Variants in SRGAP3 observed in about 807,000 individuals in gnomAD.
The protein encoded by SRGAP3 is SLIT-ROBO Rho GTPase-activating protein 3.
Under a neutral mutation model 121.1 loss-of-function variants are expected in SRGAP3, and 39 were observed. The observed-to-expected ratio is 0.32, with a 90% CI of 0.25 to 0.42. The LOEUF (loss-of-function observed/expected upper bound fraction) is 0.42. Ranked by LOEUF, SRGAP3 falls within the 10% of genes least tolerant of loss-of-function variation. The probability of loss-of-function intolerance (pLI) is 1.00; values close to 1 mark genes in which losing one functional copy is unlikely to be tolerated. For synonymous variants in SRGAP3, 601 were observed against 570.0 expected, an observed-to-expected ratio of 1.05 and a Z score of -0.77; for missense variants, 1,213 against 1,470.6, an observed-to-expected ratio of 0.82 and a Z score of 2.86.
chr3:9,040,291 T>G (rs1944955798), intron 10 of SRGAP3, among the ~76,000 whole-genome samples: 1 of 152,102 alleles, frequency 6.6e-6, no homozygotes, highest in Non-Finnish European at 1.5e-5. Flanking sequence ...GACCTCTTAC[T>G]CTGTTTTATA....
At chr3:9,273,906 G>C (rs978126004) in intron 3 of SRGAP3, among the ~76,000 whole-genome samples, 1 of 151,706 alleles carries the variant, frequency 6.6e-6, no homozygotes, top group Non-Finnish European at 1.5e-5. Context: ...GACCATATAC[G>C]TGTGTGCTTA....
rs747136588 is a variant in SRGAP3, at chr3:9,038,090, C to T, written c.1409G>A (p.Gly470Glu). The T allele has an allele frequency of 6.2e-7, 1 of 1,614,182 alleles. No individual in the cohort carries two copies. Among genetic ancestry groups the T allele is most frequent in the South Asian group, 1.1e-5 (1 of 91,080 alleles). ...GGTGGTGCCGCATTCTGCTCTTTCC[C>T]CTGCAAAGAAAAGTATACATGAATG... is the stretch of plus-strand genomic sequence containing the variant. ...HDLLKQTLGE[G>E]ERAECGTTRP... is the part of the protein sequence containing the mutation. The change falls in exon 11 of 22, where the codon GGG becomes GAG. Residue 470 changes from glycine (G) to glutamate (E), a missense_variant and splice_region_variant. Physicochemically the swap from Gly to Glu is moderately conservative, Grantham distance 98. Coordinates refer to ENST00000383836, the MANE Select transcript of SRGAP3 (RefSeq NM_014850.4).
At chr3:9,170,468 C>T (rs1337440239) in intron 1 of SRGAP3, among the ~76,000 whole-genome samples, 2 of 152,130 alleles carry the variant, frequency 1.3e-5, no homozygotes, top group Admixed American at 6.5e-5. Context: ...AAGAATGTGA[C>T]TCACACTCTC....
chr3:9,266,741 C>T lies in SRGAP3; in HGVS notation n.442+59269G>A, dbSNP rs193259354. On this transcript the variant is annotated intron_variant and non_coding_transcript_variant, in intron 3 of 3. Coordinates refer to the SRGAP3 transcript ENST00000490889. Reference sequence around the variant, plus strand: ...CCAGGGCAGCAGAGTCAATTACTCCCTCCACTGCACTCCATTTGGAGGCAA... The same window carrying T: ...CCAGGGCAGCAGAGTCAATTACTCCTTCCACTGCACTCCATTTGGAGGCAA... 1.3e-4 allele frequency among the ~76,000 whole-genome samples: 20 copies of T among 152,230 alleles called. No homozygotes were observed. In the East Asian group the frequency reaches 3.7e-3, roughly 28 times the overall value.
At chr3:9,201,334 C>T (rs1952062561) in intron 1 of SRGAP3, among the ~76,000 whole-genome samples, 1 of 152,130 alleles carries the variant, frequency 6.6e-6, no homozygotes, top group Non-Finnish European at 1.5e-5. Flanking sequence ...GTGTTGAAGC[C>T]CAGGTGATAG....
At chr3:9,335,033 A>G (rs888033812) in intron 1 of SRGAP3, among the ~76,000 whole-genome samples, 1 of 152,198 alleles carries the variant, frequency 6.6e-6, no homozygotes, top group African/African-American at 2.4e-5. Flanking sequence ...AACTCTGCCA[A>G]TTGTATCAGT....
intron 1 of SRGAP3, among the ~76,000 whole-genome samples, chr3:9,163,252 G>A (rs934150114): frequency 3.3e-5 from 5 of 152,350 alleles, no homozygotes; most frequent in South Asian, 4.1e-4. Context: ...AGGCATCAGC[G>A]CCCACTCTCG....
At chr3:9,221,785 T>G (rs1426122124) in intron 1 of SRGAP3, among the ~76,000 whole-genome samples, 2 of 152,232 alleles carry the variant, frequency 1.3e-5, no homozygotes, top group Non-Finnish European at 2.9e-5. Flanking sequence ...CATCTTTTGG[T>G]GCTCAACGTC....
chr3:9,135,905 C>A (rs1419431298), intron 1 of SRGAP3, among the ~76,000 whole-genome samples: 2 of 152,218 alleles, frequency 1.3e-5, no homozygotes, highest in Admixed American at 1.3e-4. Context: ...ATAATACCTT[C>A]CCCCCTGGGG....
intron 1 of SRGAP3, among the ~76,000 whole-genome samples, chr3:9,217,186 T>TAA (rs199839141): frequency 6.6e-6 from 1 of 151,574 alleles, no homozygotes; most frequent in East Asian, 1.9e-4. Context: ...TTCGACACAA[T>TAA]AAAAAAAAAT....
rs193002088 is a variant in SRGAP3 at position 9,200,279 on chromosome 3, T to C, written c.67+48606A>G. On this transcript the variant is annotated intron_variant, in intron 1 of 21. Coordinates refer to ENST00000383836, the MANE Select transcript of SRGAP3 (RefSeq NM_014850.4). ...AAAATTGTTTCATTTGTATAAACTT[T>C]AGAAAGAACCTATATACAGTAAGAA... Among the ~76,000 whole-genome samples, 15 of 152,380 alleles carry C rather than the reference T, an allele frequency of 9.8e-5. 3 individuals carry two copies. The highest frequency in any genetic ancestry group is 3.6e-4 in the African/African-American group (15 of 41,598).
intron 1 of SRGAP3, among the ~76,000 whole-genome samples, chr3:9,230,947 G>C (rs957887412): frequency 1.3e-5 from 2 of 151,958 alleles, no homozygotes; most frequent in African/African-American, 4.8e-5. Flanking sequence ...TCGGTCCCCT[G>C]TCTTCTAACT....
chr3:9,205,387 G>A (rs952728888), intron 1 of SRGAP3, among the ~76,000 whole-genome samples: 4 of 152,124 alleles, frequency 2.6e-5, no homozygotes, highest in Non-Finnish European at 5.9e-5. Context: ...CGTCTCACAC[G>A]GGACTAACCA....
At chr3:9,056,474 C>T in intron 7 of SRGAP3, 140 bp from the exon 8 acceptor site, 1 of 859,128 alleles carries the variant, frequency 1.2e-6, no homozygotes, top group Non-Finnish European at 1.8e-6. Flanking sequence ...TGCTCAAGGT[C>T]ACAGAGCTCA....
At chr3:9,360,670 A>C (rs1033227674) in intron 1 of SRGAP3, among the ~76,000 whole-genome samples, 1 of 152,200 alleles carries the variant, frequency 6.6e-6, no homozygotes, top group African/African-American at 2.4e-5. Context: ...CAAGAAAGAG[A>C]ATGGGAGAAG....
intron 1 of SRGAP3, chr3:9,192,437 A>C (rs956867773): frequency 1.3e-5 from 2 of 152,086 alleles, no homozygotes; most frequent in Admixed American, 1.3e-4. Flanking sequence ...GGTGACTCAT[A>C]CCTCCGTGAC....
chr3:9,264,898 A>G (rs1358252342), intron 3 of SRGAP3, among the ~76,000 whole-genome samples: 32 of 152,122 alleles, frequency 2.1e-4, no homozygotes, highest in Admixed American at 2.0e-3. Flanking sequence ...AAACCAAAAA[A>G]AGAGCTGGTA....
intron 9 of SRGAP3, chr3:9,049,153 G>C (rs1300178417): frequency 6.5e-6 from 2 of 305,710 alleles, no homozygotes; most frequent in African/African-American, 4.3e-5. Context: ...TATAGAGGAG[G>C]GCCTCTAACA....
chr3:9,023,620 C>T (rs533054262), intron 14 of SRGAP3, among the ~76,000 whole-genome samples: 2 of 152,332 alleles, frequency 1.3e-5, no homozygotes, highest in African/African-American at 4.8e-5. Flanking sequence ...ATTATACTGG[C>T]TGTTGACTAA....
Sources: gnomAD v4.1 joint callset for allele counts (sites outside exome capture counted in the v4.1 genomes callset) on GRCh38, gnomAD v4.1.1 for gene constraint, MANE v1.5 for transcripts, NCBI Gene and HGNC (gene_info 2026-07-23, HGNC 2026-07-21) for gene names.